The following ERCC6L2 variants were observed in gnomAD, a reference collection of about 807,000 sequenced individuals.
ERCC6L2 encodes DNA excision repair protein ERCC-6-like 2.
A neutral mutation model predicts 132.0 loss-of-function variants in ERCC6L2; 77 were observed. That is an observed-to-expected ratio of 0.58 (90% CI 0.49 to 0.71). ERCC6L2 has a LOEUF of 0.71. ERCC6L2 is among the 30% of genes least tolerant of loss of function. The pLI, the probability that ERCC6L2 is intolerant of heterozygous loss-of-function variation, is 0.00. For synonymous variants in ERCC6L2, 583 were observed against 632.4 expected, an observed-to-expected ratio of 0.92 and a Z score of 1.17; for missense variants, 1,542 against 1,837.6, an observed-to-expected ratio of 0.84 and a Z score of 2.94.
At chr9:96,027,738 C>G (rs1001913756) in intron 19 of ERCC6L2, 4 of 152,628 alleles carry the variant, frequency 2.6e-5, no homozygotes, top group African/African-American at 9.6e-5. Context: ...CCCCCGGCCG[C>G]TCTTTCTCAG....
chr9:95,982,659 G>T (rs142878663), intron 17 of ERCC6L2, among the ~76,000 whole-genome samples: 214 of 152,090 alleles, frequency 1.4e-3, no homozygotes, highest in Admixed American at 4.1e-3. Flanking sequence ...ATTTGTATCA[G>T]AAAGTTATCC....
intron 12 of ERCC6L2, among the ~76,000 whole-genome samples, chr9:95,949,727 A>G (rs560480144): frequency 7.2e-5 from 11 of 152,244 alleles, no homozygotes; most frequent in South Asian, 2.1e-4. Flanking sequence ...AAGGAATCCT[A>G]TCCCTGGTGC....
At chr9:95,977,480 A>G (rs1019637272) in intron 16 of ERCC6L2, among the ~76,000 whole-genome samples, 4 of 152,214 alleles carry the variant, frequency 2.6e-5, no homozygotes, top group African/African-American at 7.2e-5. Context: ...AAAGCAATAA[A>G]AATTGTAGCC....
chr9:96,023,105 C>G (rs1834317467), downstream of ERCC6L2, among the ~76,000 whole-genome samples: 1 of 152,036 alleles, frequency 6.6e-6, no homozygotes, highest in Non-Finnish European at 1.5e-5. Context: ...TTTCCAGGAC[C>G]CAGAAATGAC....
chr9:95,993,933 A>G (rs1211582406), intron 17 of ERCC6L2, among the ~76,000 whole-genome samples: 2 of 152,172 alleles, frequency 1.3e-5, no homozygotes, highest in Non-Finnish European at 2.9e-5. Flanking sequence ...GACTCTATGT[A>G]TATTTGTGGT....
Position 95,972,179 on chromosome 9 carries a change from G to A in ERCC6L2, c.2428G>A (p.Asp810Asn), listed in dbSNP as rs1241476678. The A allele has an allele frequency of 4.6e-6, 6 of 1,304,128 alleles. No homozygotes were observed. In the Admixed American group the frequency reaches 1.4e-4, roughly 30 times the overall value. The allele number at this position is 1,304,128 out of a possible 1,614,324, so 80.8% of individuals were successfully genotyped here. ...ETKCKAVEDSDGNTASDDESS... is the reference protein window; with the variant it reads ...ETKCKAVEDSNGNTASDDESS... ...AAAATGTAAAGCAGTTGAGGATAGT[G>A]ATGGAAATACTGCCTCTGATGATGA... The change falls in exon 16 of 19, where the codon GAT (aspartate) becomes AAT (asparagine). Residue 810 changes from aspartate (D) to asparagine (N), a missense_variant. Asp to Asn is a conservative substitution (Grantham distance 23, BLOSUM62 1). This residue lies in a region of ERCC6L2 where 945 missense variants were observed against 1,105.2 expected (regional missense o/e 0.86). Transcript: ENST00000653738.
chr9:95,974,107 G>T (rs1028531148), intron 16 of ERCC6L2, among the ~76,000 whole-genome samples: 1 of 152,086 alleles, frequency 6.6e-6, no homozygotes, highest in Non-Finnish European at 1.5e-5. Context: ...TATGATCCTA[G>T]CAGCCATTGA....
chr9:96,035,112 C>T (rs1047430237), intron 19 of ERCC6L2, among the ~76,000 whole-genome samples: 9 of 152,184 alleles, frequency 5.9e-5, no homozygotes, highest in Admixed American at 3.3e-4. Flanking sequence ...ACTGCCTGTC[C>T]AATCCCACTG....
chr9:95,880,329 A>G (rs1587832977), intron 1 of ERCC6L2, among the ~76,000 whole-genome samples: 1 of 152,210 alleles, frequency 6.6e-6, no homozygotes. Flanking sequence ...AACTGTAAAA[A>G]AGACAGATGA....
At chr9:95,886,281 T>G (rs948260548) in intron 2 of ERCC6L2, among the ~76,000 whole-genome samples, 11 of 152,116 alleles carry the variant, frequency 7.2e-5, no homozygotes, top group African/African-American at 2.7e-4. Flanking sequence ...CCTCTCAAAG[T>G]GCTGGGATTA....
intron 4 of ERCC6L2, among the ~76,000 whole-genome samples, chr9:95,910,270 T>C (rs1253817091): frequency 6.6e-6 from 1 of 152,208 alleles, no homozygotes; most frequent in Admixed American, 6.5e-5. Flanking sequence ...TGCACATGCA[T>C]TTATGATTGT....
intron 9 of ERCC6L2, among the ~76,000 whole-genome samples, chr9:95,924,266 G>A (rs1480919518): frequency 1.3e-5 from 2 of 151,298 alleles, no homozygotes; most frequent in Non-Finnish European, 2.9e-5. Context: ...TAGTTTGCTT[G>A]GGACCTCTAA....
chr9:96,020,701 G>A (rs1243386161), downstream of ERCC6L2: 4 of 444,000 alleles, frequency 9.0e-6, no homozygotes, highest in Non-Finnish European at 1.8e-5. Flanking sequence ...GGCTTCCGCA[G>A]CTCAAAAGGA....
chr9:96,014,897 T>A lies in ERCC6L2; in HGVS notation c.*1694T>A, dbSNP rs1588059213. On this transcript the variant is annotated 3_prime_UTR_variant, in exon 19 of 19. Coordinates refer to ENST00000653738, the MANE Select transcript of ERCC6L2 (RefSeq NM_020207.7). ...TGATCAGCTATCTGAGGAACTCCAG[T>A]AAGTAGATACCACTTCATTTCAGTT... Among the ~76,000 whole-genome samples, 1 of 152,094 alleles carries A rather than the reference T, an allele frequency of 6.6e-6. No homozygotes were observed. Among genetic ancestry groups the A allele is most frequent in the Non-Finnish European group, 1.5e-5 (1 of 68,024 alleles).
At chr9:96,039,448 CT>C (rs1834553867) in intron 20 of ERCC6L2, among the ~76,000 whole-genome samples, 1 of 152,040 alleles carries the variant, frequency 6.6e-6, no homozygotes, top group Non-Finnish European at 1.5e-5. Context: ...GAGAACGTTT[CT>C]GGGTGGATGT....
chr9:95,989,125 C>G (rs1833201729), intron 17 of ERCC6L2, among the ~76,000 whole-genome samples: 1 of 152,146 alleles, frequency 6.6e-6, no homozygotes, highest in Non-Finnish European at 1.5e-5. Flanking sequence ...CTCAGCTATC[C>G]AGATGCTCTC....
chr9:96,029,796 C>G (rs1218312748), intron 19 of ERCC6L2, among the ~76,000 whole-genome samples: 1 of 152,112 alleles, frequency 6.6e-6, no homozygotes, highest in Non-Finnish European at 1.5e-5. Context: ...TGTTTGTTTT[C>G]TACTGATTTT....
At chr9:96,030,873 G>C (rs960526540) in intron 19 of ERCC6L2, among the ~76,000 whole-genome samples, 1 of 152,172 alleles carries the variant, frequency 6.6e-6, no homozygotes, top group African/African-American at 2.4e-5. Flanking sequence ...AACCTTCTGA[G>C]CCTTCATTCC....
intron 17 of ERCC6L2, among the ~76,000 whole-genome samples, chr9:96,003,465 A>G (rs1368289358): frequency 2.0e-5 from 3 of 152,294 alleles, no homozygotes; most frequent in African/African-American, 4.8e-5. Flanking sequence ...GATTCTTTCT[A>G]TCTAGAGTAA....
Sources: gnomAD v4.1 joint callset for allele counts (sites outside exome capture counted in the v4.1 genomes callset) on GRCh38, gnomAD v4.1.1 for gene constraint, gnomAD v4.1.1 regional missense constraint, MANE v1.5 for transcripts, NCBI Gene and HGNC (gene_info 2026-07-23, HGNC 2026-07-21) for gene names.